The following MAPK10 variants were observed in gnomAD, a reference collection of about 807,000 sequenced individuals.
MAPK10 encodes the protein JNK3 alpha protein kinase.
Under a neutral mutation model 59.3 loss-of-function variants are expected in MAPK10, and 25 were observed. The ratio of observed to expected loss-of-function variants is 0.42; its 90% CI spans 0.31 to 0.59. MAPK10 has a LOEUF of 0.59. Among genes scored for constraint, MAPK10 ranks in the 20% least tolerant of loss-of-function variants. The pLI, the probability that MAPK10 is intolerant of heterozygous loss-of-function variation, is 0.15. For synonymous variants in MAPK10, 190 were observed against 200.5 expected (o/e 0.95, Z 0.44); for missense variants, 351 against 568.9 (o/e 0.62, Z 3.90).
intron 1 of MAPK10, among the ~76,000 whole-genome samples, chr4:86,444,029 T>TAAA (rs976482465): frequency 7.0e-6 from 1 of 142,992 alleles, no homozygotes; most frequent in Admixed American, 7.0e-5. Flanking sequence ...ACTGAAAATT[T>TAAA]AAAAAAAAAA....
At chr4:86,386,465 G>A (rs1169428539) in intron 1 of MAPK10, among the ~76,000 whole-genome samples, 1 of 152,140 alleles carries the variant, frequency 6.6e-6, no homozygotes, top group East Asian at 1.9e-4. Context: ...ACATGGGTAG[G>A]TCTTCCTAAT....
chr4:86,045,244 G>A (rs977073224), intron 11 of MAPK10, among the ~76,000 whole-genome samples: 1 of 151,932 alleles, frequency 6.6e-6, no homozygotes, highest in African/African-American at 2.4e-5. Flanking sequence ...TCTCTTTCCT[G>A]CTCCTTGGAA....
rs138761322 is a variant in MAPK10 at position 86,498,784 on chromosome 4, C to T, written c.-263+95126G>A. 2.0e-5 allele frequency among the ~76,000 whole-genome samples: 3 copies of T among 152,312 alleles called. No individual in the cohort carries two copies. In the East Asian group the frequency reaches 5.8e-4, roughly 29 times the overall value. ...CACTAGAGGGACCCTAATCGCCAAA[C>T]ATCATTTATAGCTAACCTTAACAGC... is the stretch of plus-strand genomic sequence containing the variant. On this transcript the variant is annotated intron_variant, in intron 1 of 4. Transcript: ENST00000502302.
chr4:86,534,999 G>A (rs944702499), intron 1 of MAPK10, among the ~76,000 whole-genome samples: 2 of 152,176 alleles, frequency 1.3e-5, no homozygotes, highest in Non-Finnish European at 2.9e-5. Context: ...ATCTTTAGGA[G>A]CAAAGGATAA....
chr4:86,126,451 C>A (rs559602401), intron 4 of MAPK10, among the ~76,000 whole-genome samples: 1 of 152,108 alleles, frequency 6.6e-6, no homozygotes, highest in South Asian at 2.1e-4. Context: ...AGCTCTGTAT[C>A]CCCTACATGT....
chr4:86,097,583 T>C (rs927450988), intron 9 of MAPK10, among the ~76,000 whole-genome samples: 2 of 152,070 alleles, frequency 1.3e-5, no homozygotes, highest in African/African-American at 4.8e-5. Context: ...AATTCAATCC[T>C]GTATTATAAT....
intron 1 of MAPK10, among the ~76,000 whole-genome samples, chr4:86,400,728 A>G (rs537920609): frequency 6.6e-6 from 1 of 152,270 alleles, no homozygotes; most frequent in Admixed American, 6.5e-5. Context: ...AGAAGGGTTC[A>G]ATATTGGTTT....
chr4:86,308,455 T>C (rs2095609971), intron 2 of MAPK10, among the ~76,000 whole-genome samples: 1 of 152,152 alleles, frequency 6.6e-6, no homozygotes, highest in Non-Finnish European at 1.5e-5. Flanking sequence ...GTCTTGAAGA[T>C]TAGACAGAGG....
intron 1 of MAPK10, among the ~76,000 whole-genome samples, chr4:86,556,154 G>A (rs1182324397): frequency 1.3e-5 from 2 of 152,182 alleles, no homozygotes. Context: ...GAAGAAGGAT[G>A]GGAACAATTC....
At position 86,295,980 on chromosome 4, in the gene MAPK10, G is replaced by A. The variant is rs150279042; in HGVS notation, c.-7+58550C>T. On this transcript the variant is annotated intron_variant, in intron 2 of 13. Transcript: ENST00000641462. ...CACCTGAGGTCAGGAGTTTGAGTCCGACCTGGCCAACATGGTGAAACCCTG... is the reference window on the plus strand; with the variant it reads ...CACCTGAGGTCAGGAGTTTGAGTCCAACCTGGCCAACATGGTGAAACCCTG... Among the ~76,000 whole-genome samples, 106 of 150,900 alleles carry A rather than the reference G, an allele frequency of 7.0e-4. No individual in the cohort carries two copies. In the East Asian group the frequency reaches 8.8e-3, roughly 13 times the overall value.
intron 2 of MAPK10, among the ~76,000 whole-genome samples, chr4:86,343,121 CT>C (rs1175362541): frequency 6.6e-6 from 1 of 152,180 alleles, no homozygotes; most frequent in Non-Finnish European, 1.5e-5. Flanking sequence ...TCTGTTCCCT[CT>C]TCCAGAAATT....
intron 2 of MAPK10, among the ~76,000 whole-genome samples, chr4:86,341,572 T>A (rs1724948785): frequency 6.6e-6 from 1 of 152,146 alleles, no homozygotes; most frequent in Non-Finnish European, 1.5e-5. Flanking sequence ...TATATTTATA[T>A]CAGAATTAAG....
At chr4:86,304,291 G>T (rs2095522741) in intron 2 of MAPK10, among the ~76,000 whole-genome samples, 2 of 148,426 alleles carry the variant, frequency 1.3e-5, no homozygotes, top group African/African-American at 4.9e-5. Flanking sequence ...AAACCTTGAA[G>T]TGTCAAGTTA....
intron 1 of MAPK10, among the ~76,000 whole-genome samples, chr4:86,504,345 A>G (rs1465763391): frequency 6.6e-6 from 1 of 152,130 alleles, no homozygotes; most frequent in African/African-American, 2.4e-5. Flanking sequence ...CCTGTGGGCC[A>G]AAGATCTGGG....
At chr4:86,038,642 G>A (rs1053823786) in intron 11 of MAPK10, among the ~76,000 whole-genome samples, 4 of 151,852 alleles carry the variant, frequency 2.6e-5, no homozygotes, top group Non-Finnish European at 5.9e-5. Flanking sequence ...TGACTCTGAT[G>A]AAGCACAAAA....
At chr4:86,435,322 C>G (rs902770038) in intron 1 of MAPK10, among the ~76,000 whole-genome samples, 2 of 151,826 alleles carry the variant, frequency 1.3e-5, no homozygotes, top group South Asian at 4.2e-4. Context: ...TATGATGAAA[C>G]CCAGTCTCTA....
At chr4:86,302,959 G>T (rs2095497183) in intron 2 of MAPK10, among the ~76,000 whole-genome samples, 1 of 152,102 alleles carries the variant, frequency 6.6e-6, no homozygotes, top group Non-Finnish European at 1.5e-5. Flanking sequence ...CTCACTCATA[G>T]CAAAATGAGC....
chr4:86,506,944 CATAAAA>C (rs1755786663), intron 1 of MAPK10, among the ~76,000 whole-genome samples: 1 of 151,982 alleles, frequency 6.6e-6, no homozygotes, highest in Non-Finnish European at 1.5e-5. Context: ...ATACAATATA[CATAAAA>C]ATATGAGTAT....
At chr4:86,432,389 C>G (rs1748156217) in intron 1 of MAPK10, among the ~76,000 whole-genome samples, 1 of 152,170 alleles carries the variant, frequency 6.6e-6, no homozygotes, top group South Asian at 2.1e-4. Context: ...ATTCTGGTGC[C>G]TCAGCCTTCC....
Sources: gnomAD v4.1 joint callset for allele counts (sites outside exome capture counted in the v4.1 genomes callset) on GRCh38, gnomAD v4.1.1 for gene constraint, MANE v1.5 for transcripts, NCBI Gene and HGNC (gene_info 2026-07-23, HGNC 2026-07-21) for gene names.